Variants in TMTC2 observed in about 807,000 individuals in gnomAD.
TMTC2 encodes protein O-mannosyl-transferase TMTC2.
TMTC2 carries 43 observed loss-of-function variants against 82.4 expected under a neutral mutation model. The observed-to-expected ratio is 0.52, with a 90% confidence interval of 0.41 to 0.67. The LOEUF (loss-of-function observed/expected upper bound fraction) is 0.67. TMTC2 is among the 30% of genes least tolerant of loss of function. The pLI is 0.00. For missense variants in TMTC2, 919 were observed against 1,012.4 expected, an observed-to-expected ratio of 0.91 and a Z score of 1.25; for synonymous variants, 408 against 381.9, an observed-to-expected ratio of 1.07 and a Z score of -0.80.
chr12:82,710,038 AGC>A (rs1338270741), intron 1 of TMTC2, among the ~76,000 whole-genome samples: 1 of 152,208 alleles, frequency 6.6e-6, no homozygotes, highest in Non-Finnish European at 1.5e-5. Flanking sequence ...GTGTCCAGGC[AGC>A]GCTTACATTA....
chr12:83,111,976 C>A (rs1884614526), intron 11 of TMTC2, among the ~76,000 whole-genome samples: 2 of 151,568 alleles, frequency 1.3e-5, no homozygotes, highest in Admixed American at 1.3e-4. Flanking sequence ...TATGGTGGCA[C>A]ATGCCAGTGG....
At chr12:82,974,822 C>T (rs137861369) in intron 7 of TMTC2, among the ~76,000 whole-genome samples, 12 of 152,254 alleles carry the variant, frequency 7.9e-5, no homozygotes, top group East Asian at 5.8e-4. Flanking sequence ...CACTGAGTGG[C>T]GAACCCCAGC....
At chr12:82,934,206 T>A (rs1426536232) in intron 4 of TMTC2, among the ~76,000 whole-genome samples, 3 of 152,172 alleles carry the variant, frequency 2.0e-5, no homozygotes. Context: ...TGATTGTGTA[T>A]CTGTGCAACA....
chr12:82,740,557 A>G (rs1875347048), intron 1 of TMTC2, among the ~76,000 whole-genome samples: 1 of 152,168 alleles, frequency 6.6e-6, no homozygotes, highest in Non-Finnish European at 1.5e-5. Context: ...ACATATTCAG[A>G]GCTGACTCAT....
chr12:83,104,165 A>G lies in TMTC2; in HGVS notation c.2332-28045A>G, dbSNP rs1884321432. ...GTGGCTTTGCAGGGTTCAGCCCCAG[A>G]GGCTGTTCTCACAGGTCTTTGAGTA... On this transcript the variant is annotated intron_variant, in intron 11 of 11. Coordinates refer to ENST00000321196, the MANE Select transcript of TMTC2 (RefSeq NM_152588.3). Among the ~76,000 whole-genome samples the G allele has an allele frequency of 3.3e-5, 5 of 152,208 alleles. No individual in the cohort carries two copies. The South Asian group carries it at 1.0e-3, about 31-fold the overall frequency.
chr12:82,733,604 A>G (rs1430952644), intron 1 of TMTC2, among the ~76,000 whole-genome samples: 3 of 152,180 alleles, frequency 2.0e-5, no homozygotes, highest in Admixed American at 2.0e-4. Context: ...CCTTTGTAGA[A>G]GACAGAATTA....
intron 11 of TMTC2, among the ~76,000 whole-genome samples, chr12:83,128,324 T>C (rs757956710): frequency 6.6e-6 from 1 of 152,122 alleles, no homozygotes; most frequent in Non-Finnish European, 1.5e-5. Flanking sequence ...TAGAAAACTT[T>C]ATGTGTTCTT....
intron 6 of TMTC2, chr12:82,966,049 G>A (rs1878193675): frequency 2.9e-6 from 1 of 350,616 alleles, no homozygotes; most frequent in African/African-American, 2.0e-5. Context: ...AACATGTAAT[G>A]TTTCTCGAGC....
chr12:82,787,994 T>C (rs995868971), intron 1 of TMTC2, among the ~76,000 whole-genome samples: 1 of 152,070 alleles, frequency 6.6e-6, no homozygotes, highest in African/African-American at 2.4e-5. Context: ...CCTTACTTCA[T>C]CTTGAGAATG....
chr12:82,689,589 A>C (rs1453251655), intron 1 of TMTC2, among the ~76,000 whole-genome samples: 1 of 152,210 alleles, frequency 6.6e-6, no homozygotes, highest in Non-Finnish European at 1.5e-5. Flanking sequence ...ATTAAGGTTA[A>C]ATTTGGATAT....
intron 2 of TMTC2, among the ~76,000 whole-genome samples, chr12:82,874,761 T>C (rs979091707): frequency 6.6e-6 from 1 of 152,090 alleles, no homozygotes; most frequent in Non-Finnish European, 1.5e-5. Flanking sequence ...TTAACAAATA[T>C]GGAATAAAAT....
At chr12:82,780,527 T>G (rs1256598312) in intron 1 of TMTC2, among the ~76,000 whole-genome samples, 1 of 152,090 alleles carries the variant, frequency 6.6e-6, no homozygotes, top group Non-Finnish European at 1.5e-5. Context: ...TGTGAATATA[T>G]TAAAAGCGTA....
intron 1 of TMTC2, among the ~76,000 whole-genome samples, chr12:82,694,948 G>C (rs1017860087): frequency 1.3e-5 from 2 of 152,178 alleles, no homozygotes; most frequent in Non-Finnish European, 2.9e-5. Context: ...TGATTCCAGA[G>C]ATTATTGATT....
chr12:82,960,072 G>A (rs189798353), intron 4 of TMTC2, among the ~76,000 whole-genome samples: 3 of 151,944 alleles, frequency 2.0e-5, no homozygotes, highest in South Asian at 2.1e-4. Flanking sequence ...AAAAATGCTC[G>A]ACATCACTCA....
intron 11 of TMTC2, among the ~76,000 whole-genome samples, chr12:83,109,840 T>C (rs1232490625): frequency 1.3e-5 from 2 of 152,228 alleles, no homozygotes; most frequent in Admixed American, 1.3e-4. Context: ...TCCTGAAGCA[T>C]GAATAAAGAA....
intron 1 of TMTC2, 107 bp from the exon 2 acceptor site, chr12:82,856,903 G>A (rs533522966): frequency 1.4e-5 from 15 of 1,108,556 alleles, no homozygotes; most frequent in South Asian, 1.6e-5. Flanking sequence ...CCATCACAAA[G>A]CTACATAGTA....
chr12:82,950,435 A>G (rs905207009), intron 4 of TMTC2, among the ~76,000 whole-genome samples: 2 of 152,200 alleles, frequency 1.3e-5, no homozygotes, highest in African/African-American at 4.8e-5. Context: ...TTATGCATAT[A>G]TGAATATACA....
intron 3 of TMTC2, among the ~76,000 whole-genome samples, chr12:82,914,781 GAGTTT>G (rs991786942): frequency 1.8e-4 from 27 of 149,286 alleles, no homozygotes; most frequent in African/African-American, 6.4e-4. Context: ...ATGTGACTCA[GAGTTT>G]AGTTTAGGCA....
At position 83,117,826 on chromosome 12, in the gene TMTC2, T is replaced by C. The variant is rs546094623; in HGVS notation, c.2332-14384T>C. On this transcript the variant is annotated intron_variant, in intron 11 of 11. Coordinates refer to ENST00000321196, the MANE Select transcript of TMTC2 (RefSeq NM_152588.3). ...CCATTTGTTTGTGTCATCTATGATT[T>C]CTTTCAGCAGTGTTTGTAGTTTTCT... Among the ~76,000 whole-genome samples the C allele has an allele frequency of 2.0e-5, 3 of 152,294 alleles. No individual in the cohort carries two copies. The South Asian group carries it at 6.2e-4, about 32-fold the overall frequency.
Sources: gnomAD v4.1 joint callset for allele counts (sites outside exome capture counted in the v4.1 genomes callset) on GRCh38, gnomAD v4.1.1 for gene constraint, MANE v1.5 for transcripts, NCBI Gene and HGNC (gene_info 2026-07-23, HGNC 2026-07-21) for gene names.